TJAP1: variants seen among roughly 807,000 people sequenced by gnomAD.
TJAP1 encodes tight junction-associated protein 1.
In TJAP1, 27 loss-of-function variants were observed where a neutral mutation model predicts 42.0. The observed-to-expected ratio is 0.64, with a 90% CI of 0.47 to 0.89. The LOEUF (loss-of-function observed/expected upper bound fraction) is 0.89, where lower values mean the gene tolerates loss of function less well. Among genes scored for constraint, TJAP1 ranks in the 40% least tolerant of loss-of-function variants. TJAP1 has a pLI of 0.00. For synonymous variants in TJAP1, 257 were observed against 288.4 expected, an observed-to-expected ratio of 0.89 and a Z score of 1.10; for missense variants, 712 against 726.9, an observed-to-expected ratio of 0.98 and a Z score of 0.24.
chr6:43,504,793 AC>A lies in TJAP1; in HGVS notation c.613del (p.His205IlefsTer17). 7 of 1,613,928 alleles carry A rather than the reference AC, an allele frequency of 4.3e-6. No individual in the cohort carries two copies. Among genetic ancestry groups the A allele is most frequent in the Non-Finnish European group, 5.9e-6 (7 of 1,179,802 alleles). On this transcript the variant is annotated frameshift_variant, in exon 11 of 11. Transcript: ENST00000372449. LOFTEE classifies it high-confidence loss of function. ...GTGAGCTACAGGACATGGTTCGGAA[AC>A]ATTTGCACAGTGGTCAAGAGGCCGC...
intron 10 of TJAP1, chr6:43,504,516 G>T (rs1348768581): frequency 8.9e-6 from 5 of 564,768 alleles, no homozygotes; most frequent in Non-Finnish European, 1.6e-5. Context: ...GAACATGCTG[G>T]CTGCAGCAGC....
At chr6:43,494,648 C>CTTTT (rs775378416) in intron 2 of TJAP1, among the ~76,000 whole-genome samples, 20 of 114,384 alleles carry the variant, frequency 1.7e-4, no homozygotes, top group African/African-American at 3.5e-4. Context: ...TGTTGATTTC[C>CTTTT]TTTTTTTTTT....
In TJAP1 at chr6:43,492,651, T is replaced by C. The variant is rs1204473804; in HGVS notation, c.-121-5230T>C. On this transcript the variant is annotated intron_variant, in intron 2 of 10. Transcript: ENST00000372449. The surrounding 1 kb of genome is among the most constrained non-coding windows in gnomAD (Gnocchi z 4.2). The stretch of plus-strand genomic sequence containing the variant: ...AGCCCACTGCTCTGGGGGACTGCTA[T>C]TCATGGGGAGTCAGTGGGAGAGGGG... 2.0e-5 allele frequency among the ~76,000 whole-genome samples: 3 copies of C among 152,144 alleles called. No homozygotes were observed.
chr6:43,505,590 T>G lies in TJAP1; in HGVS notation c.1409T>G (p.Leu470Trp). 1.2e-6 allele frequency: 2 copies of G among 1,613,638 alleles called. No homozygotes were observed. Among genetic ancestry groups the G allele is most frequent in the Non-Finnish European group, 1.7e-6 (2 of 1,180,038 alleles). Residue 470 changes from leucine to tryptophan, a missense_variant, in exon 11 of 11, where the codon TTG becomes TGG. This residue lies in a region of TJAP1 where 549 missense variants were observed against 528.2 expected (regional missense o/e 1.04). Transcript: ENST00000372449. The surrounding 1 kb of genome is among the most constrained non-coding windows in gnomAD (Gnocchi z 5.5). ...GCCCGACCCGAAGAGAGTGAGCTTTTGCTACCCACAGAACCTGACTCTGGC... is the reference window on the plus strand; with the variant it reads ...GCCCGACCCGAAGAGAGTGAGCTTTGGCTACCCACAGAACCTGACTCTGGC...
chr6:43,504,512 G>A, intron 10 of TJAP1: 1 of 558,460 alleles, frequency 1.8e-6, no homozygotes, highest in Non-Finnish European at 3.2e-6. Context: ...TTGAGAACAT[G>A]CTGGCTGCAG....
At chr6:43,501,271 G>C in intron 5 of TJAP1, 1 of 483,292 alleles carries the variant, frequency 2.1e-6, no homozygotes, top group Non-Finnish European at 3.7e-6. Flanking sequence ...TCTATTCTCC[G>C]ATAGTGAAGG....
At chr6:43,483,263 C>CT (rs1164166689) in intron 2 of TJAP1, among the ~76,000 whole-genome samples, 1 of 152,236 alleles carries the variant, frequency 6.6e-6, no homozygotes, top group Non-Finnish European at 1.5e-5. Context: ...TGAGTTGCTG[C>CT]TATTCCACCT....
intron 2 of TJAP1, chr6:43,478,705 C>G (rs1287145703): frequency 6.6e-6 from 1 of 152,120 alleles, no homozygotes; most frequent in Admixed American, 6.6e-5. Flanking sequence ...TGTGTGTCTA[C>G]TTTTGCTTTT....
chr6:43,498,820 C>A, intron 3 of TJAP1, 158 bp from the exon 4 acceptor site: 2 of 674,134 alleles, frequency 3.0e-6, no homozygotes, highest in South Asian at 1.8e-5. Flanking sequence ...GACTGACACA[C>A]CTAAGTCCTG....
intron 2 of TJAP1, among the ~76,000 whole-genome samples, chr6:43,486,480 C>G (rs1027970986): frequency 6.6e-6 from 1 of 151,744 alleles, no homozygotes; most frequent in Admixed American, 6.6e-5. Flanking sequence ...CCCAGCCTCC[C>G]GAGTAGCTGG....
rs201624955 is a variant in TJAP1 at position 43,501,927 on chromosome 6, ACTCTCT to A, written c.290+264_290+269del. Among the ~76,000 whole-genome samples, 412 of 71,588 alleles carry A rather than the reference ACTCTCT, an allele frequency of 5.8e-3. 7 individuals are homozygous for A. The highest frequency in any genetic ancestry group is 0.025 in the Middle Eastern group (2 of 80). 47.0% of individuals were successfully genotyped at this position (71,588 alleles called of 152,430 possible). A position where few individuals can be genotyped will look rare whatever the true frequency, so the allele number is the denominator to read the frequency against. On this transcript the variant is annotated intron_variant, in intron 6 of 10. Transcript: ENST00000372449. Reference sequence around the variant, plus strand: ...CACACACACACACACACACACACACACTCTCTCTCTCTCTCTCTCTCTCTCTCTCCT... The same window carrying A: ...CACACACACACACACACACACACACACTCTCTCTCTCTCTCTCTCTCTCCT...
At chr6:43,502,207 C>T (rs1232056225) in intron 6 of TJAP1, 76 bp from the exon 7 acceptor site, 5 of 1,468,432 alleles carry the variant, frequency 3.4e-6, no homozygotes, top group East Asian at 2.3e-5. Context: ...TTCAAGATCC[C>T]CTATCGGGGA....
rs1561835127 is a variant in TJAP1 at position 43,505,014 on chromosome 6, CGG to C, written c.834_835del (p.Ala279ProfsTer32). 1.2e-6 allele frequency: 2 copies of C among 1,614,082 alleles called. No individual in the cohort carries two copies. Among genetic ancestry groups the C allele is most frequent in the Admixed American group, 3.3e-5 (2 of 60,030 alleles). On this transcript the variant is annotated frameshift_variant, in exon 11 of 11. Transcript: ENST00000372449. LOFTEE classifies it high-confidence loss of function. This position sits in a 1 kb window ranked among gnomAD's most constrained non-coding sequence, Gnocchi z 5.5. ...GTCCCAGGTGATCCAGCCAGTCCCCCGGCCCCTGGCAGCCCCACCCCACAACC... is the reference window on the plus strand; with the variant it reads ...GTCCCAGGTGATCCAGCCAGTCCCCCCCCCTGGCAGCCCCACCCCACAACC...
In TJAP1 at chr6:43,503,429, C is replaced by T. The variant is rs754817392; in HGVS notation, c.416C>T (p.Thr139Met). Residue 139 changes from threonine to methionine, a missense_variant, in exon 9 of 11, where the codon ACG (threonine) becomes ATG (methionine). Physicochemically the swap from Thr to Met is moderately conservative, Grantham distance 81. Around this residue, in one of 3 missense-constraint regions of TJAP1, gnomAD observed 158 missense variants for 182.1 expected, o/e 0.87. Transcript: ENST00000372449. ...AAGAAGGCTGAGATGGATAGGAAGA[C>T]GCTGGACTGGGAGATTGTGGAGCTG... is the stretch of plus-strand genomic sequence containing the variant. 2.5e-5 allele frequency: 41 copies of T among 1,613,868 alleles called. No homozygotes were observed. The highest frequency in any genetic ancestry group is 1.7e-4 in the Middle Eastern group (1 of 5,972).
intron 10 of TJAP1, chr6:43,504,471 A>C: frequency 4.4e-6 from 2 of 457,670 alleles, no homozygotes; most frequent in Non-Finnish European, 4.0e-6. Flanking sequence ...AAACTTAAGT[A>C]TGGTTTGGGC....
chr6:43,500,663 T>G (rs1347772662), intron 4 of TJAP1, 81 bp from the exon 5 acceptor site: 1 of 1,537,116 alleles, frequency 6.5e-7, no homozygotes, highest in South Asian at 1.1e-5. Flanking sequence ...CACCTGAGCC[T>G]TCTTGTGGCT....
At chr6:43,504,905 C>T in exon 11 of TJAP1, 1 of 1,614,212 alleles carries the variant, frequency 6.2e-7, no homozygotes. Flanking sequence ...GCCGGAGTCT[C>T]TACTGCTCAA....
chr6:43,480,501 G>A (rs1785086680), intron 2 of TJAP1, among the ~76,000 whole-genome samples: 2 of 152,168 alleles, frequency 1.3e-5, no homozygotes, highest in South Asian at 2.1e-4. Flanking sequence ...GGCTTTTCAT[G>A]TATTAACTAA....
At chr6:43,506,138 C>G in exon 11 of TJAP1, 1 of 333,476 alleles carries the variant, frequency 3.0e-6, no homozygotes, top group Non-Finnish European at 5.4e-6. Context: ...ATCAGCCCAA[C>G]CCAGCCCAGA....
Sources: allele counts gnomAD v4.1 joint callset (sites outside exome capture counted in the v4.1 genomes callset), GRCh38; gene constraint gnomAD v4.1.1; regional missense constraint gnomAD v4.1.1; non-coding constraint Gnocchi (gnomAD v3.1); transcripts MANE v1.5; gene names NCBI Gene and HGNC (gene_info 2026-07-23, HGNC 2026-07-21).